PAPSS1: variants seen among roughly 807,000 people sequenced by gnomAD.
PAPSS1 encodes bifunctional 3'-phosphoadenosine 5'-phosphosulfate synthase 1.
PAPSS1 carries 50 observed loss-of-function variants against 72.0 expected under a neutral mutation model. The ratio of observed to expected loss-of-function variants is 0.69; its 90% CI spans 0.55 to 0.88. PAPSS1 has a LOEUF of 0.88. Among genes scored for constraint, PAPSS1 ranks in the 40% least tolerant of loss-of-function variants. PAPSS1 has a pLI of 0.00. For synonymous variants in PAPSS1, 261 were observed against 263.6 expected (o/e 0.99, Z 0.09); for missense variants, 657 against 782.2 (o/e 0.84, Z 1.91).
chr4:107,671,514 T>C (rs143251414), intron 5 of PAPSS1, among the ~76,000 whole-genome samples: 24 of 152,248 alleles, frequency 1.6e-4, no homozygotes, highest in African/African-American at 4.3e-4. Context: ...ATAAGCCCCA[T>C]AAAATTATAT....
intron 5 of PAPSS1, among the ~76,000 whole-genome samples, chr4:107,662,064 T>C (rs1727196484): frequency 6.6e-6 from 1 of 152,012 alleles, no homozygotes; most frequent in Non-Finnish European, 1.5e-5. Context: ...ATTAAAAAAA[T>C]AAATAAATAA....
rs3733633 is a variant in PAPSS1, at chr4:107,654,833, G to T, written c.963C>A (p.Asp321Glu). Residue 321 changes from aspartate (D) to glutamate (E), a missense_variant, in exon 8 of 12, where the codon GAC becomes GAA. By Grantham distance (45) the Asp-to-Glu change is conservative. Coordinates refer to ENST00000265174, the MANE Select transcript of PAPSS1 (RefSeq NM_005443.5). ...TATHEDKERL[D>E]GCTAFALMYE... ...ACATCAGAGCAAATGCTGTACAGCC[G>T]TCCAGCCTCTCTTTATCTTCATGAG... 6.2e-7 allele frequency: 1 copy of T among 1,613,612 alleles called. No individual in the cohort carries two copies. Among genetic ancestry groups the T allele is most frequent in the South Asian group, 1.1e-5 (1 of 91,062 alleles).
chr4:107,625,967 G>A (rs1726085588), intron 11 of PAPSS1, among the ~76,000 whole-genome samples: 1 of 150,708 alleles, frequency 6.6e-6, no homozygotes, highest in South Asian at 2.1e-4. Context: ...GGATCACAAG[G>A]TCAGATCGAG....
rs549757495 is a variant in PAPSS1 at position 107,718,020 on chromosome 4, A to C, written c.60+2100T>G. On this transcript the variant is annotated intron_variant, in intron 1 of 11. Transcript: ENST00000265174. ...TATTAATTCATTTAAACCTTACTATAACCTTGTCTGGTCTCCAGGGCTTCC... is the reference window on the plus strand; with the variant it reads ...TATTAATTCATTTAAACCTTACTATCACCTTGTCTGGTCTCCAGGGCTTCC... Among the ~76,000 whole-genome samples the C allele has an allele frequency of 2.6e-5, 4 of 152,304 alleles. No individual in the cohort carries two copies. The East Asian group carries it at 7.7e-4, about 29-fold the overall frequency.
intron 10 of PAPSS1, among the ~76,000 whole-genome samples, chr4:107,635,009 A>C (rs926237679): frequency 1.3e-5 from 2 of 152,078 alleles, no homozygotes; most frequent in African/African-American, 2.4e-5. Flanking sequence ...CGTGTTAGCC[A>C]GGATGGTCTC....
intron 11 of PAPSS1, among the ~76,000 whole-genome samples, chr4:107,625,713 G>A (rs890874176): frequency 6.6e-6 from 1 of 152,038 alleles, no homozygotes; most frequent in Non-Finnish European, 1.5e-5. Flanking sequence ...GCTTTGTTAC[G>A]CAACAACGAA....
chr4:107,704,991 T>C (rs982837794), intron 1 of PAPSS1, among the ~76,000 whole-genome samples: 10 of 152,144 alleles, frequency 6.6e-5, no homozygotes, highest in Admixed American at 2.6e-4. Context: ...GAACCATCTT[T>C]GCATCCCTGA....
chr4:107,645,944 AC>A (rs1360575906), intron 9 of PAPSS1, among the ~76,000 whole-genome samples: 1 of 152,192 alleles, frequency 6.6e-6, no homozygotes, highest in African/African-American at 2.4e-5. Flanking sequence ...AAAAGGTACC[AC>A]AGGAAGACTG....
chr4:107,718,463 A>C (rs893466719), intron 1 of PAPSS1: 1 of 152,254 alleles, frequency 6.6e-6, no homozygotes, highest in African/African-American at 2.4e-5. Context: ...CTGACTCAGA[A>C]ATCTGAAATC....
At chr4:107,705,854 G>C (rs1045821806) in intron 1 of PAPSS1, among the ~76,000 whole-genome samples, 5 of 152,182 alleles carry the variant, frequency 3.3e-5, no homozygotes, top group African/African-American at 1.2e-4. Context: ...AGACATGTCT[G>C]GTAGTGATGA....
chr4:107,645,096 G>A (rs1433167883), intron 9 of PAPSS1, 26 bp from the exon 10 acceptor site: 17 of 1,463,382 alleles, frequency 1.2e-5, no homozygotes, highest in Non-Finnish European at 1.5e-5. Context: ...CCAGAGTTAA[G>A]AATAGCATGT....
At position 107,707,827 on chromosome 4, in the gene PAPSS1, T is replaced by C. The variant is rs540241558; in HGVS notation, c.61-6542A>G. On this transcript the variant is annotated intron_variant, in intron 1 of 11. Coordinates refer to ENST00000265174, the MANE Select transcript of PAPSS1 (RefSeq NM_005443.5). ...AGACAAGCACTGGGAAGTCCCATTCTGTCATTTTGCTGACCTCCACCAATA... is the reference window on the plus strand; with the variant it reads ...AGACAAGCACTGGGAAGTCCCATTCCGTCATTTTGCTGACCTCCACCAATA... 7.2e-5 allele frequency among the ~76,000 whole-genome samples: 11 copies of C among 152,348 alleles called. No individual in the cohort carries two copies. The South Asian group carries it at 2.3e-3, about 32-fold the overall frequency.
chr4:107,719,358 A>C (rs1723716834), intron 1 of PAPSS1, among the ~76,000 whole-genome samples: 1 of 152,190 alleles, frequency 6.6e-6, no homozygotes, highest in African/African-American at 2.4e-5. Flanking sequence ...AAGGAAGATA[A>C]GGCTCTTTCT....
At chr4:107,697,713 G>A (rs1723105450) in intron 2 of PAPSS1, among the ~76,000 whole-genome samples, 1 of 152,166 alleles carries the variant, frequency 6.6e-6, no homozygotes, top group Admixed American at 6.6e-5. Context: ...TCTAAGATAT[G>A]GATAACTGGT....
intron 9 of PAPSS1, among the ~76,000 whole-genome samples, chr4:107,648,342 G>A (rs12506733): frequency 0.22 from 34,145 of 152,182 alleles, 3,886 homozygotes; most frequent in East Asian, 0.37. Flanking sequence ...GGACTGTCGT[G>A]TCGTGGCACA....
At chr4:107,627,197 C>G (rs760764285) in intron 11 of PAPSS1, among the ~76,000 whole-genome samples, 3 of 152,158 alleles carry the variant, frequency 2.0e-5, no homozygotes, top group Non-Finnish European at 4.4e-5. Context: ...CATTTTGGCA[C>G]AAGAAGTGTA....
At chr4:107,658,178 A>G (rs1727069193) in intron 6 of PAPSS1, among the ~76,000 whole-genome samples, 1 of 151,612 alleles carries the variant, frequency 6.6e-6, no homozygotes, top group Admixed American at 6.6e-5. Flanking sequence ...CACAATAAAT[A>G]AGAAGAGCCT....
intron 9 of PAPSS1, 138 bp downstream of exon 9, chr4:107,653,353 T>C: frequency 1.6e-6 from 1 of 628,298 alleles, no homozygotes; most frequent in African/African-American, 1.9e-5. Context: ...CTAGTTTTGA[T>C]TGACTACCTT....
At chr4:107,646,513 C>A (rs1726700405) in intron 9 of PAPSS1, among the ~76,000 whole-genome samples, 1 of 152,032 alleles carries the variant, frequency 6.6e-6, no homozygotes, top group Non-Finnish European at 1.5e-5. Context: ...CAAATGGCAG[C>A]TTTTAGAGCT....
Sources: gnomAD v4.1 joint callset for allele counts (sites outside exome capture counted in the v4.1 genomes callset) on GRCh38, gnomAD v4.1.1 for gene constraint, MANE v1.5 for transcripts, NCBI Gene and HGNC (gene_info 2026-07-23, HGNC 2026-07-21) for gene names.